Variants in ZNF732 observed in about 807,000 individuals in gnomAD.
ZNF732 encodes zinc finger protein 732.
In ZNF732, 12 loss-of-function variants were observed where a neutral mutation model predicts 11.5. The ratio of observed to expected loss-of-function variants is 1.05; its 90% CI spans 0.67 to 1.70. ZNF732 has a LOEUF of 1.70. Ranked by LOEUF, ZNF732 falls within the 40% of genes most tolerant of loss-of-function variation. The pLI, the probability that ZNF732 is intolerant of heterozygous loss-of-function variation, is 0.00. For missense variants in ZNF732, 702 were observed against 676.9 expected (o/e 1.04, Z -0.41); for synonymous variants, 231 against 236.5 (o/e 0.98, Z 0.21).
At position 271,871 on chromosome 4, in the gene ZNF732, G is replaced by C. The variant is rs1254219734; in HGVS notation, c.986C>G (p.Thr329Ser). ...TTLTKHNRIH[T>S]GEKPYTCEEC... is the part of the protein sequence containing the mutation. Reference sequence around the variant, plus strand: ...TTCACATGTGTAGGGTTTCTCTCCAGTATGAATTCTGTTATGTTTAGTAAG... The same window carrying C: ...TTCACATGTGTAGGGTTTCTCTCCACTATGAATTCTGTTATGTTTAGTAAG... Residue 329 changes from threonine to serine, a missense_variant, in exon 4 of 4, where the codon ACT (threonine) becomes AGT (serine). Around this residue, in one of 3 missense-constraint regions of ZNF732, gnomAD observed 596 missense variants for 557.9 expected, o/e 1.07. Coordinates refer to ENST00000419098, the MANE Select transcript of ZNF732 (RefSeq NM_001137608.3). The C allele has an allele frequency of 3.1e-6, 5 of 1,613,498 alleles. No individual in the cohort carries two copies. The African/African-American group carries it at 4.0e-5, about 13-fold the overall frequency.
Position 271,154 on chromosome 4 carries a change from T to C in ZNF732, c.1703A>G (p.Lys568Arg). 6.5e-7 allele frequency: 1 copy of C among 1,549,234 alleles called. No individual in the cohort carries two copies. Among genetic ancestry groups the C allele is most frequent in the Non-Finnish European group, 8.7e-7 (1 of 1,146,270 alleles). The change falls in exon 4 of 4, where the codon AAG becomes AGG. Residue 568 changes from lysine to arginine, a missense_variant. Around this residue, in one of 3 missense-constraint regions of ZNF732, gnomAD observed 94 missense variants for 87.5 expected, o/e 1.07. Transcript: ENST00000419098. The stretch of plus-strand genomic sequence containing the variant: ...ATGTTGATTAAGGTATGAGGACCAC[T>C]TAAAGGCTTTGCCACATCCTTTACA... ...PKCKGCGKAF[K>R]WSSYLNQHNK...
chr4:280,186 A>G (rs528607164), intron 3 of ZNF732, among the ~76,000 whole-genome samples: 57 of 151,518 alleles, frequency 3.8e-4, no homozygotes, highest in African/African-American at 1.4e-3. Flanking sequence ...ATATAGATGT[A>G]GATGTATCAT....
rs1719348466 is a variant in ZNF732 at position 271,249 on chromosome 4, G to A, written c.1608C>T (p.Gly536=). Residue 536 remains glycine, a synonymous_variant, in exon 4 of 4, where the codon GGC becomes GGT. Transcript: ENST00000419098. ...GEKPYRCEEC[G]KAFRRSRVLN... ...GGACTCTGGAACGTCTAAATGCTTT[G>A]CCACACTCTTCACATCTATAAGGTT... The A allele has an allele frequency of 6.4e-7, 1 of 1,569,796 alleles. No individual in the cohort carries two copies. The highest frequency in any genetic ancestry group is 1.4e-5 in the African/African-American group (1 of 73,600).
intron 3 of ZNF732, among the ~76,000 whole-genome samples, chr4:293,310 G>A (rs566495137): frequency 1.5e-5 from 2 of 132,890 alleles, no homozygotes; most frequent in African/African-American, 3.1e-5. Flanking sequence ...GTGTGTGTGT[G>A]TATATATATA....
chr4:285,798 GAC>G (rs1157640353), intron 3 of ZNF732, among the ~76,000 whole-genome samples: 1 of 152,312 alleles, frequency 6.6e-6, no homozygotes, highest in East Asian at 1.9e-4. Flanking sequence ...ACAGTACAGT[GAC>G]ACAATCTCAG....
rs782299404 is a variant in ZNF732, at chr4:271,833, C to T, written c.1024G>A (p.Ala342Thr). ...KPYTCEECGKAFSRSSVLNEH... is the reference protein window; with the variant it reads ...KPYTCEECGKTFSRSSVLNEH... ...TTCAGAACTGAGGACCTACTAAAGG[C>T]TTTGCCACATTCTTCACATGTGTAG... Residue 342 changes from alanine (A) to threonine (T), a missense_variant, in exon 4 of 4, where the codon GCC becomes ACC. Ala to Thr is a moderately conservative substitution (Grantham distance 58). This residue lies in a region of ZNF732 where 596 missense variants were observed against 557.9 expected (regional missense o/e 1.07). Coordinates refer to ENST00000419098, the MANE Select transcript of ZNF732 (RefSeq NM_001137608.3). 1.2e-5 allele frequency: 19 copies of T among 1,613,464 alleles called. No homozygotes were observed. The South Asian group carries it at 2.1e-4, about 18-fold the overall frequency.
intron 3 of ZNF732, among the ~76,000 whole-genome samples, chr4:273,402 A>G (rs1009946712): frequency 6.6e-6 from 1 of 152,026 alleles, no homozygotes; most frequent in Non-Finnish European, 1.5e-5. Context: ...TGTATACAAA[A>G]TATTAGAACA....
At chr4:296,327 C>T (rs782242646) in intron 1 of ZNF732, among the ~76,000 whole-genome samples, 172 bp from the exon 2 acceptor site, 2 of 151,982 alleles carry the variant, frequency 1.3e-5, no homozygotes, top group Non-Finnish European at 2.9e-5. Flanking sequence ...GATGGCATTC[C>T]AACAGTTTCT....
chr4:295,406 C>G, intron 3 of ZNF732, 32 bp downstream of exon 3: 1 of 1,565,132 alleles, frequency 6.4e-7, no homozygotes, highest in Non-Finnish European at 8.7e-7. Flanking sequence ...GTCCCCTGGC[C>G]TGTGTCCTCT....
At position 271,656 on chromosome 4, in the gene ZNF732, G is replaced by A. The variant is rs548117508; in HGVS notation, c.1201C>T (p.Arg401Trp). 405 of 1,608,294 alleles carry A rather than the reference G, an allele frequency of 2.5e-4. 2 individuals are homozygous for A. The South Asian group carries it at 3.5e-3, about 14-fold the overall frequency. The change falls in exon 4 of 4, where the codon CGG (arginine) becomes TGG (tryptophan). Residue 401 changes from arginine to tryptophan, a missense_variant. Arg to Trp is a moderately radical substitution (Grantham distance 101). Coordinates refer to ENST00000419098, the MANE Select transcript of ZNF732 (RefSeq NM_001137608.3). Reference protein sequence around the residue: ...TCEECGKAFSRFTTLNEHKRI... With the variant: ...TCEECGKAFSWFTTLNEHKRI... ...TTATGTTCATTAAGGGTTGTGAACC[G>A]ACTAAAGGCTTTTCCACATTCTTCA...
intron 1 of ZNF732, among the ~76,000 whole-genome samples, chr4:304,605 CCGTCTTCATTTCTGAA>C (rs1484225554): frequency 6.6e-6 from 1 of 152,138 alleles, no homozygotes; most frequent in Admixed American, 6.5e-5. Context: ...CTCTGGACAC[CCGTCTTCATTTCTGAA>C]CGCCTGCCTA....
At chr4:302,377 A>G (rs1720135781) in intron 1 of ZNF732, among the ~76,000 whole-genome samples, 1 of 152,238 alleles carries the variant, frequency 6.6e-6, no homozygotes, top group Admixed American at 6.5e-5. Context: ...ATCTACTAAG[A>G]GACTACAAAC....
intron 3 of ZNF732, among the ~76,000 whole-genome samples, chr4:274,882 T>C (rs1719461199): frequency 6.6e-6 from 1 of 151,562 alleles, no homozygotes; most frequent in Non-Finnish European, 1.5e-5. Context: ...TGTGTGTGTC[T>C]CCCCCACATT....
chr4:299,381 ATACACATATG>A (rs1332840295), intron 1 of ZNF732, among the ~76,000 whole-genome samples: 35 of 95,854 alleles, frequency 3.7e-4, no homozygotes, highest in Middle Eastern at 5.6e-3. Flanking sequence ...GTATATATAT[ATACACATATG>A]TACACATATG....
At chr4:299,686 T>C (rs1485646859) in intron 1 of ZNF732, among the ~76,000 whole-genome samples, 9 of 142,776 alleles carry the variant, frequency 6.3e-5, no homozygotes, top group Admixed American at 1.4e-4. Flanking sequence ...TATACATAAA[T>C]ATATATACTT....
At chr4:277,888 A>G (rs1479767455) in intron 3 of ZNF732, among the ~76,000 whole-genome samples, 1 of 152,048 alleles carries the variant, frequency 6.6e-6, no homozygotes, top group Non-Finnish European at 1.5e-5. Flanking sequence ...TTTGTAGCTA[A>G]AGAAAACAAA....
chr4:291,869 T>C (rs1719848008), intron 3 of ZNF732, among the ~76,000 whole-genome samples: 1 of 152,032 alleles, frequency 6.6e-6, no homozygotes, highest in African/African-American at 2.4e-5. Flanking sequence ...TAAATACAGA[T>C]ATAAAAAAAC....
At chr4:289,112 G>A (rs1240469420) in intron 3 of ZNF732, among the ~76,000 whole-genome samples, 22 of 152,196 alleles carry the variant, frequency 1.4e-4, no homozygotes, top group Admixed American at 1.4e-3. Flanking sequence ...ATCTCACATG[G>A]TAGAAGCAGG....
At chr4:298,678 T>A (rs1720014334) in intron 1 of ZNF732, among the ~76,000 whole-genome samples, 3 of 152,036 alleles carry the variant, frequency 2.0e-5, no homozygotes, top group Admixed American at 2.0e-4. Flanking sequence ...GCTCAATTAG[T>A]GGGATGCAAA....
Sources: allele counts gnomAD v4.1 joint callset (sites outside exome capture counted in the v4.1 genomes callset), GRCh38; gene constraint gnomAD v4.1.1; regional missense constraint gnomAD v4.1.1; transcripts MANE v1.5; gene names NCBI Gene and HGNC (gene_info 2026-07-23, HGNC 2026-07-21).